The following ASNSD1 variants were observed in gnomAD, a reference collection of about 807,000 sequenced individuals.
ASNSD1 encodes asparagine synthetase domain containing 1.
A neutral mutation model predicts 48.3 loss-of-function variants in ASNSD1; 36 were observed. That is an observed-to-expected ratio of 0.75 (90% confidence interval 0.57 to 0.99). The LOEUF is 0.99. Among genes scored for constraint, ASNSD1 ranks in the 50% least tolerant of loss-of-function variants. The pLI is 0.00. For missense variants in ASNSD1, 714 were observed against 758.2 expected, an observed-to-expected ratio of 0.94 and a Z score of 0.69; for synonymous variants, 257 against 262.1, an observed-to-expected ratio of 0.98 and a Z score of 0.19.
At chr2:189,665,029 G>T (rs1026297465) in intron 2 of ASNSD1, among the ~76,000 whole-genome samples, 4 of 152,218 alleles carry the variant, frequency 2.6e-5, no homozygotes, top group Non-Finnish European at 5.9e-5. Context: ...ATAGCAGTAG[G>T]TATAATTTGG....
Position 189,667,418 on chromosome 2 carries a change from A to C in ASNSD1, c.1286A>C (p.Glu429Ala). The C allele has an allele frequency of 1.9e-6, 3 of 1,614,198 alleles. No individual in the cohort carries two copies. Among genetic ancestry groups the C allele is most frequent in the Non-Finnish European group, 1.7e-6 (2 of 1,180,032 alleles). Reference sequence around the variant, plus strand: ...CCTTCCCGAATTTGGAATTTTGTTGAAATTAATGTTTCTATGGAAGAACTG... The same window carrying C: ...CCTTCCCGAATTTGGAATTTTGTTGCAATTAATGTTTCTATGGAAGAACTG... ...VSPSRIWNFVEINVSMEELQK... is the reference protein window; with the variant it reads ...VSPSRIWNFVAINVSMEELQK... Residue 429 changes from glutamate to alanine, a missense_variant, in exon 4 of 6, where the codon GAA becomes GCA. By Grantham distance (107) the Glu-to-Ala change is moderately radical. Coordinates refer to ENST00000260952, the MANE Select transcript of ASNSD1 (RefSeq NM_019048.4).
At chr2:189,662,399 C>A (rs1287275943) in intron 1 of ASNSD1, among the ~76,000 whole-genome samples, 1 of 152,166 alleles carries the variant, frequency 6.6e-6, no homozygotes, top group Non-Finnish European at 1.5e-5. Context: ...GTATCAGTTA[C>A]CTTCTTTGAA....
rs1163211881 is a variant in ASNSD1 at position 189,670,638 on chromosome 2, A to G, written c.1844A>G (p.Lys615Arg). 6.2e-7 allele frequency: 1 copy of G among 1,613,906 alleles called. No homozygotes were observed. Among genetic ancestry groups the G allele is most frequent in the Non-Finnish European group, 8.5e-7 (1 of 1,179,952 alleles). The change falls in exon 6 of 6, where the codon AAA becomes AGA. Residue 615 changes from lysine to arginine, a missense_variant. Physicochemically the swap from Lys to Arg is conservative, Grantham distance 26. Coordinates refer to ENST00000260952, the MANE Select transcript of ASNSD1 (RefSeq NM_019048.4). ...GGATCAAGAATTGCAAAAATGGAAA[A>G]AATTAATGAAAAGGCATCTGATAAA... is the stretch of plus-strand genomic sequence containing the variant. ...QFGSRIAKMEKINEKASDKCG... is the reference protein window; with the variant it reads ...QFGSRIAKMERINEKASDKCG...
At position 189,666,917 on chromosome 2, in the gene ASNSD1, A is replaced by T. The variant is rs762558957; in HGVS notation, c.785A>T (p.Asn262Ile). 1.2e-6 allele frequency: 2 copies of T among 1,614,080 alleles called. No individual in the cohort carries two copies. Among genetic ancestry groups the T allele is most frequent in the Non-Finnish European group, 1.7e-6 (2 of 1,179,994 alleles). ...GAGACTCATTGCAGTAATATTTCCA[A>T]TGTGCCACCTACAAGAGAGATACTT... ...ALETHCSNIS[N>I]VPPTREILQV... The change falls in exon 4 of 6, where the codon AAT becomes ATT. Residue 262 changes from asparagine (N) to isoleucine (I), a missense_variant. Coordinates refer to ENST00000260952, the MANE Select transcript of ASNSD1 (RefSeq NM_019048.4).
At chr2:189,667,672 G>C in intron 4 of ASNSD1, 76 bp downstream of exon 4, 1 of 1,537,362 alleles carries the variant, frequency 6.5e-7, no homozygotes, top group Non-Finnish European at 8.7e-7. Flanking sequence ...CATTTTGATT[G>C]TAAGAATATA....
chr2:189,665,026 T>C (rs2032754053), intron 2 of ASNSD1, among the ~76,000 whole-genome samples: 1 of 152,220 alleles, frequency 6.6e-6, no homozygotes, highest in African/African-American at 2.4e-5. Flanking sequence ...TATATAGCAG[T>C]AGGTATAATT....
At position 189,667,222 on chromosome 2, in the gene ASNSD1, C is replaced by A; in HGVS notation, c.1090C>A (p.Pro364Thr). ...TTTCATAGCTGAAGAAAAGACCATG[C>A]CAACTACCTTTAACAGAGAAGGGAA... The part of the protein sequence containing the change: ...VAFIAEEKTM[P>T]TTFNREGNKQ... Residue 364 changes from proline (P) to threonine (T), a missense_variant, in exon 4 of 6, where the codon CCA becomes ACA. Transcript: ENST00000260952. 1 of 1,614,028 alleles carries A rather than the reference C, an allele frequency of 6.2e-7. No homozygotes were observed. The highest frequency in any genetic ancestry group is 1.1e-5 in the South Asian group (1 of 91,054).
intron 5 of ASNSD1, among the ~76,000 whole-genome samples, chr2:189,669,268 G>A (rs372880049): frequency 6.6e-5 from 10 of 152,196 alleles, no homozygotes; most frequent in African/African-American, 1.4e-4. Flanking sequence ...AATAAAGTCC[G>A]TAAACTGTTA....
intron 1 of ASNSD1, among the ~76,000 whole-genome samples, chr2:189,662,081 CT>C (rs1274396254): frequency 6.6e-6 from 1 of 152,182 alleles, no homozygotes; most frequent in Non-Finnish European, 1.5e-5. Context: ...CCACCGTCAT[CT>C]GCTATCGGGA....
Position 189,670,643 on chromosome 2 carries a change from A to G in ASNSD1, c.1849A>G (p.Asn617Asp). The G allele has an allele frequency of 3.7e-6, 6 of 1,614,038 alleles. No homozygotes were observed. Among genetic ancestry groups the G allele is most frequent in the Non-Finnish European group, 5.1e-6 (6 of 1,179,936 alleles). Residue 617 changes from asparagine to aspartate, a missense_variant, in exon 6 of 6, where the codon AAT (asparagine) becomes GAT (aspartate). Asn to Asp is a conservative substitution (Grantham distance 23). Coordinates refer to ENST00000260952, the MANE Select transcript of ASNSD1 (RefSeq NM_019048.4). ...AAGAATTGCAAAAATGGAAAAAATT[A>G]ATGAAAAGGCATCTGATAAATGTGG... The part of the protein sequence containing the change: ...GSRIAKMEKI[N>D]EKASDKCGRL...
chr2:189,669,756 G>GT (rs2032890180), intron 5 of ASNSD1, among the ~76,000 whole-genome samples: 3 of 151,504 alleles, frequency 2.0e-5, no homozygotes, highest in Non-Finnish European at 4.4e-5. Context: ...AGGGCAGAAA[G>GT]TTTTTTTTTA....
At chr2:189,662,629 T>C (rs998131099) in intron 1 of ASNSD1, among the ~76,000 whole-genome samples, 1 of 152,186 alleles carries the variant, frequency 6.6e-6, no homozygotes, top group African/African-American at 2.4e-5. Context: ...CACTTACGCA[T>C]ACTGGTGGTT....
Position 189,666,048 on chromosome 2 carries a change from G to A in ASNSD1, c.-85G>A, listed in dbSNP as rs762882653. 23 of 1,382,094 alleles carry A rather than the reference G, an allele frequency of 1.7e-5. No homozygotes were observed. In the African/African-American group the frequency reaches 3.3e-4, roughly 20 times the overall value. The allele number at this position is 1,382,094 out of a possible 1,614,324, so 85.6% of individuals were successfully genotyped here. A position where few individuals can be genotyped will look rare whatever the true frequency, so the allele number is the denominator to read the frequency against. On this transcript the variant is annotated 5_prime_UTR_variant, in exon 4 of 6. The change creates a premature stop within an existing upstream ORF in the 5' untranslated region. Transcript: ENST00000260952. ...TCTCCTTCCCTGCAACAGATATATT[G>A]GATGAACTGAAAAAAGAATACCAAG...
chr2:189,668,601 G>A (rs1055286442), intron 5 of ASNSD1, among the ~76,000 whole-genome samples: 2 of 152,242 alleles, frequency 1.3e-5, no homozygotes, highest in Admixed American at 6.5e-5. Context: ...TTTCCTCCCA[G>A]TAAGGGCATA....
At chr2:189,669,631 G>A (rs2105689777) in intron 5 of ASNSD1, among the ~76,000 whole-genome samples, 1 of 152,322 alleles carries the variant, frequency 6.6e-6, no homozygotes, top group East Asian at 1.9e-4. Flanking sequence ...AGAATAGGAT[G>A]TAATAAAACG....
In ASNSD1 at chr2:189,661,527, A is replaced by T. The variant is rs1386804293; in HGVS notation, c.-306A>T. 1 of 399,148 alleles carries T rather than the reference A, an allele frequency of 2.5e-6. No individual in the cohort carries two copies. The highest frequency in any genetic ancestry group is 2.1e-5 in the African/African-American group (1 of 48,638). 24.7% of individuals were successfully genotyped at this position (399,148 alleles called of 1,614,324 possible). On this transcript the variant is annotated 5_prime_UTR_variant, in exon 1 of 6. Coordinates refer to ENST00000260952, the MANE Select transcript of ASNSD1 (RefSeq NM_019048.4). ...TGTCTTGCGCTCGGTGGAAATGCCCAGCCGAGGGACGCGACCAGAGGACAG... is the reference window on the plus strand; with the variant it reads ...TGTCTTGCGCTCGGTGGAAATGCCCTGCCGAGGGACGCGACCAGAGGACAG...
chr2:189,667,989 ACAG>A lies in ASNSD1; in HGVS notation c.1646+48_1646+50del, dbSNP rs931889513. 4.5e-6 allele frequency: 7 copies of A among 1,548,790 alleles called. No individual in the cohort carries two copies. The African/African-American group carries it at 8.3e-5, about 18-fold the overall frequency. ...GTGTTCTTACGGTATTTTTATAAAAACAGCAGAGTGTAAATGGAGACTTTAAAG... is the reference window on the plus strand; with the variant it reads ...GTGTTCTTACGGTATTTTTATAAAAACAGAGTGTAAATGGAGACTTTAAAG... On this transcript the variant is annotated intron_variant, in intron 5 of 5. Coordinates refer to ENST00000260952, the MANE Select transcript of ASNSD1 (RefSeq NM_019048.4).
chr2:189,666,856 GT>G lies in ASNSD1; in HGVS notation c.726del (p.Pro243LeufsTer2). 1 of 1,614,044 alleles carries G rather than the reference GT, an allele frequency of 6.2e-7. No individual in the cohort carries two copies. Reference sequence around the variant, plus strand: ...CAAACTGTATCTTGAAAAACCTGTTGTTCCTTTAAATATGATGTTGCCACAA... The same window carrying G: ...CAAACTGTATCTTGAAAAACCTGTTGTCCTTTAAATATGATGTTGCCACAA... The part of the protein sequence containing the change: ...EAKLYLEKPV[V>X]PLNMMLPQAA... On this transcript the variant is annotated frameshift_variant, in exon 4 of 6. Transcript: ENST00000260952. LOFTEE classifies it high-confidence loss of function.
Position 189,667,434 on chromosome 2 carries a change from GGAAGAACTGCAGAAATTAA to G in ASNSD1, c.1311_1329del (p.Gln438GlufsTer5). 6.2e-7 allele frequency: 1 copy of G among 1,614,140 alleles called. No homozygotes were observed. The highest frequency in any genetic ancestry group is 8.5e-7 in the Non-Finnish European group (1 of 1,180,022). The stretch of plus-strand genomic sequence containing the variant: ...ATTTTGTTGAAATTAATGTTTCTAT[GGAAGAACTGCAGAAATTAA>G]GAAGAACTCGAATATGTCACTTAAT... On this transcript the variant is annotated frameshift_variant, in exon 4 of 6. Transcript: ENST00000260952. LOFTEE classifies it high-confidence loss of function.
Sources: allele counts gnomAD v4.1 joint callset (sites outside exome capture counted in the v4.1 genomes callset), GRCh38; gene constraint gnomAD v4.1.1; transcripts MANE v1.5; gene names NCBI Gene and HGNC (gene_info 2026-07-23, HGNC 2026-07-21).